C2orf49: variants seen among roughly 807,000 people sequenced by gnomAD.
C2orf49 encodes tRNA-splicing ligase complex subunit ASW.
C2orf49 carries 11 observed loss-of-function variants against 20.6 expected under a neutral mutation model. That is an observed-to-expected ratio of 0.53 (90% confidence interval 0.34 to 0.88). The LOEUF is 0.88. Among genes scored for constraint, C2orf49 ranks in the 40% least tolerant of loss-of-function variants. The probability of loss-of-function intolerance (pLI) is 0.02; values close to 1 mark genes in which losing one functional copy is unlikely to be tolerated. For missense variants in C2orf49, 289 were observed against 274.2 expected, an observed-to-expected ratio of 1.05 and a Z score of -0.38; for synonymous variants, 134 against 108.5, an observed-to-expected ratio of 1.24 and a Z score of -1.46.
At chr2:105,352,592 G>A (rs1457925436), downstream of C2orf49, among the ~76,000 whole-genome samples, 5 of 151,508 alleles carry the variant, frequency 3.3e-5, no homozygotes, top group South Asian at 2.1e-4. Context: ...CTATAGGCAC[G>A]CACCACCACA....
the C2orf49 span, among the ~76,000 whole-genome samples, chr2:105,355,227 G>A: frequency 6.6e-6 from 1 of 152,122 alleles, no homozygotes; most frequent in African/African-American, 2.4e-5. Flanking sequence ...GGAAGAATAG[G>A]AAAGGGAAAG....
chr2:105,356,798 A>G, the C2orf49 span, among the ~76,000 whole-genome samples: 107 of 152,308 alleles, frequency 7.0e-4, no homozygotes, highest in Non-Finnish European at 1.4e-3. Flanking sequence ...TTTTCTCATT[A>G]TCTTTGGCAT....
intron 3 of C2orf49, among the ~76,000 whole-genome samples, chr2:105,343,884 A>G (rs1241315004): frequency 1.3e-5 from 2 of 151,734 alleles, no homozygotes; most frequent in Admixed American, 6.6e-5. Context: ...GGCGCTTCAG[A>G]AAAGTGCTTT....
chr2:105,337,721 G>GGGGGGGGGGGGGGCCCCCCCCCCCCCCC, intron 1 of C2orf49, 35 bp downstream of exon 1: 1 of 26,798 alleles, frequency 3.7e-5, no homozygotes. Context: ...GGGCGGGTGG[G>GGGGGGGGGGGGGGCCCCCCCCCCCCCCC]CCTTCCCAGG....
the C2orf49 span, among the ~76,000 whole-genome samples, chr2:105,369,863 A>G: frequency 6.6e-6 from 1 of 152,192 alleles, no homozygotes; most frequent in Non-Finnish European, 1.5e-5. Context: ...GGGCAACTCT[A>G]CGTGCAGGGA....
At chr2:105,339,819 T>G in intron 2 of C2orf49, 70 bp downstream of exon 2, 2 of 1,343,372 alleles carry the variant, frequency 1.5e-6, no homozygotes, top group Non-Finnish European at 2.0e-6. Context: ...TATTGATTTT[T>G]CCTGAGATAA....
At chr2:105,362,582 C>T in the C2orf49 span, among the ~76,000 whole-genome samples, 3 of 152,200 alleles carry the variant, frequency 2.0e-5, no homozygotes, top group Non-Finnish European at 4.4e-5. Flanking sequence ...TTGCAAATCC[C>T]ACATCATAAA....
chr2:105,369,498 T>C, the C2orf49 span, among the ~76,000 whole-genome samples: 1 of 152,134 alleles, frequency 6.6e-6, no homozygotes, highest in Non-Finnish European at 1.5e-5. Flanking sequence ...GCAGGGTGTG[T>C]GTTGGGGGGC....
At chr2:105,370,144 C>T in the C2orf49 span, among the ~76,000 whole-genome samples, 6 of 152,128 alleles carry the variant, frequency 3.9e-5, no homozygotes. Context: ...GAGGCTAAGG[C>T]GGGAGATCTC....
the C2orf49 span, chr2:105,367,857 G>A: frequency 4.2e-6 from 4 of 951,372 alleles, no homozygotes; most frequent in Non-Finnish European, 3.1e-6. Flanking sequence ...AGCCACTTCA[G>A]CTCTTGAAGG....
At chr2:105,364,651 C>T in the C2orf49 span, among the ~76,000 whole-genome samples, 5 of 152,174 alleles carry the variant, frequency 3.3e-5, no homozygotes, top group African/African-American at 9.7e-5. Context: ...GCTTGGCAAA[C>T]GAAGGCTGTG....
intron 3 of C2orf49, 39 bp downstream of exon 3, chr2:105,343,262 G>T: frequency 6.6e-7 from 1 of 1,524,338 alleles, no homozygotes; most frequent in South Asian, 1.3e-5. Flanking sequence ...TAAGTGGTCT[G>T]AATGAAACTT....
the C2orf49 span, chr2:105,363,008 T>C: frequency 5.0e-6 from 2 of 401,444 alleles, no homozygotes; most frequent in Non-Finnish European, 9.1e-6. Context: ...GCTCACAGAC[T>C]GCAGTTTTAG....
chr2:105,375,174 CATGTGTGCATGT>C, the C2orf49 span: 1 of 151,982 alleles, frequency 6.6e-6, no homozygotes, highest in Non-Finnish European at 1.5e-5. Context: ...TGCGTGTGCA[CATGTGTGCATGT>C]ATGTGTGTTT....
the C2orf49 span, among the ~76,000 whole-genome samples, chr2:105,354,378 AC>A: frequency 6.6e-6 from 1 of 152,062 alleles, no homozygotes; most frequent in East Asian, 1.9e-4. Context: ...ATTTTATTAT[AC>A]CCTGGCCAGG....
chr2:105,338,775 T>C (rs1573240117), intron 1 of C2orf49, among the ~76,000 whole-genome samples: 1 of 152,322 alleles, frequency 6.6e-6, no homozygotes, highest in South Asian at 2.1e-4. Context: ...TTGTCGGTGG[T>C]ACTAAACACA....
At chr2:105,370,740 G>A in the C2orf49 span, among the ~76,000 whole-genome samples, 4 of 152,142 alleles carry the variant, frequency 2.6e-5, no homozygotes, top group Non-Finnish European at 4.4e-5. Context: ...GTGTTTTGTC[G>A]GTGCTGGTTT....
At chr2:105,384,832 T>C in the C2orf49 span, among the ~76,000 whole-genome samples, 1 of 152,146 alleles carries the variant, frequency 6.6e-6, no homozygotes, top group South Asian at 2.1e-4. Context: ...TTTATAGATG[T>C]GGAGATGTGC....
chr2:105,379,410 C>T, the C2orf49 span, among the ~76,000 whole-genome samples: 2 of 152,216 alleles, frequency 1.3e-5, no homozygotes, highest in African/African-American at 2.4e-5. Context: ...TAAAGCTCCA[C>T]GTTGGTAACT....
Sources: allele counts gnomAD v4.1 joint callset (sites outside exome capture counted in the v4.1 genomes callset), GRCh38; gene constraint gnomAD v4.1.1; transcripts MANE v1.5; gene names NCBI Gene and HGNC (gene_info 2026-07-23, HGNC 2026-07-21).